The following GRIA4 variants were observed in gnomAD, a reference collection of about 807,000 sequenced individuals.
GRIA4 encodes glutamate ionotropic receptor AMPA type subunit 4.
In GRIA4, 34 loss-of-function variants were observed where a neutral mutation model predicts 104.0. That is an observed-to-expected ratio of 0.33 (90% CI 0.25 to 0.44). The LOEUF is 0.44. GRIA4 is among the 20% of genes least tolerant of loss of function. GRIA4 has a pLI of 1.00. For synonymous variants in GRIA4, 386 were observed against 381.9 expected, an observed-to-expected ratio of 1.01 and a Z score of -0.13; for missense variants, 750 against 1,096.5, an observed-to-expected ratio of 0.68 and a Z score of 4.46.
intron 4 of GRIA4, among the ~76,000 whole-genome samples, chr11:105,836,676 A>G (rs1224327330): frequency 2.0e-5 from 3 of 152,130 alleles, no homozygotes; most frequent in African/African-American, 7.2e-5. Flanking sequence ...CCACAACCAA[A>G]GTTTCTGATT....
chr11:105,736,102 T>A (rs1017917816), intron 3 of GRIA4, among the ~76,000 whole-genome samples: 5 of 152,120 alleles, frequency 3.3e-5, no homozygotes, highest in Admixed American at 2.6e-4. Context: ...TACTCAGATA[T>A]AAAGATTCTA....
intron 3 of GRIA4, among the ~76,000 whole-genome samples, chr11:105,618,390 C>G (rs1297689963): frequency 3.3e-5 from 5 of 151,962 alleles, no homozygotes; most frequent in Non-Finnish European, 7.4e-5. Flanking sequence ...ACAATGATGG[C>G]TGCTGAGTTA....
rs182228155 is a variant in GRIA4, at chr11:105,773,947, T to C, written c.487+20727T>C. Among the ~76,000 whole-genome samples the C allele has an allele frequency of 7.9e-5, 12 of 151,454 alleles. No individual in the cohort carries two copies. In the East Asian group the frequency reaches 1.9e-3, roughly 24 times the overall value. Reference sequence around the variant, plus strand: ...AATAAAAATATCATTAAAATATGGATATATGGGATTTGAATATTATACCTA... The same window carrying C: ...AATAAAAATATCATTAAAATATGGACATATGGGATTTGAATATTATACCTA... On this transcript the variant is annotated intron_variant, in intron 4 of 16. Transcript: ENST00000282499.
chr11:105,715,387 T>C (rs918025937), intron 3 of GRIA4, among the ~76,000 whole-genome samples: 2 of 152,172 alleles, frequency 1.3e-5, no homozygotes, highest in Non-Finnish European at 2.9e-5. Context: ...CCTGTTATGC[T>C]TAATCCCCAC....
chr11:105,888,271 C>CTTTTTT (rs71469040), intron 6 of GRIA4, among the ~76,000 whole-genome samples: 1,044 of 54,592 alleles, frequency 0.019, 253 homozygotes, highest in African/African-American at 0.022. Flanking sequence ...ATGTTTTCTC[C>CTTTTTT]TTTTTTTTTT....
At chr11:105,867,482 C>A (rs574562311) in intron 5 of GRIA4, among the ~76,000 whole-genome samples, 1 of 152,276 alleles carries the variant, frequency 6.6e-6, no homozygotes, top group South Asian at 2.1e-4. Context: ...TCTCAAACAT[C>A]AGGTATCGTA....
intron 4 of GRIA4, among the ~76,000 whole-genome samples, chr11:105,852,054 T>C (rs1034122008): frequency 6.6e-6 from 1 of 152,184 alleles, no homozygotes; most frequent in Non-Finnish European, 1.5e-5. Context: ...TCATGAAATG[T>C]CTTAAATGTA....
chr11:105,654,588 A>T (rs1357836785), intron 3 of GRIA4, among the ~76,000 whole-genome samples: 1 of 152,138 alleles, frequency 6.6e-6, no homozygotes, highest in Non-Finnish European at 1.5e-5. Flanking sequence ...TTGACAGTAA[A>T]AAGAAGAGAA....
chr11:105,717,338 A>C (rs557123222), intron 3 of GRIA4, among the ~76,000 whole-genome samples: 1 of 152,200 alleles, frequency 6.6e-6, no homozygotes, highest in African/African-American at 2.4e-5. Context: ...AAAAAATCTT[A>C]ATGGGAATTC....
At chr11:105,855,048 T>G (rs1944960992) in intron 4 of GRIA4, among the ~76,000 whole-genome samples, 1 of 152,192 alleles carries the variant, frequency 6.6e-6, no homozygotes. Context: ...GCCTGCTCTA[T>G]TAACTATCAA....
At chr11:105,809,902 C>T (rs1488538529) in intron 4 of GRIA4, among the ~76,000 whole-genome samples, 1 of 152,104 alleles carries the variant, frequency 6.6e-6, no homozygotes, top group East Asian at 1.9e-4. Context: ...CTCCCCTCCT[C>T]ACTACTCTTC....
intron 13 of GRIA4, among the ~76,000 whole-genome samples, chr11:105,931,636 C>G (rs949054493): frequency 1.3e-5 from 2 of 151,894 alleles, no homozygotes; most frequent in Non-Finnish European, 2.9e-5. Flanking sequence ...ACCTGGGAGG[C>G]AGAGGTTGTA....
chr11:105,695,817 A>G (rs1465683401), intron 3 of GRIA4, among the ~76,000 whole-genome samples: 2 of 152,252 alleles, frequency 1.3e-5, no homozygotes, highest in African/African-American at 4.8e-5. Flanking sequence ...ATGGAAGCCA[A>G]ACTCTAGAGG....
At chr11:105,926,647 A>G in intron 12 of GRIA4, 94 bp from the exon 13 acceptor site, 1 of 783,716 alleles carries the variant, frequency 1.3e-6, no homozygotes. Flanking sequence ...GGCAATTGTT[A>G]TTTTTAAATA....
chr11:105,724,396 C>CAT (rs201864031), intron 3 of GRIA4, among the ~76,000 whole-genome samples: 14 of 59,742 alleles, frequency 2.3e-4, no homozygotes, highest in East Asian at 1.5e-3. Flanking sequence ...CACACACACA[C>CAT]ATATATATAT....
chr11:105,638,398 C>T lies in GRIA4; in HGVS notation c.247+25964C>T, dbSNP rs140456947. ...GCAGCTACCCTGAACCTGCTGACAA[C>T]TGGATTCTCTAGATCATATTGTTTT... is the stretch of plus-strand genomic sequence containing the variant. On this transcript the variant is annotated intron_variant, in intron 3 of 16. Coordinates refer to ENST00000282499, the MANE Select transcript of GRIA4 (RefSeq NM_000829.4). 9.7e-4 allele frequency among the ~76,000 whole-genome samples: 148 copies of T among 152,234 alleles called. 1 individual carries two copies. Among genetic ancestry groups the T allele is most frequent in the African/African-American group, 3.4e-3 (142 of 41,540 alleles).
intron 14 of GRIA4, among the ~76,000 whole-genome samples, chr11:105,942,933 G>A (rs1948217595): frequency 1.3e-5 from 2 of 152,126 alleles, no homozygotes; most frequent in African/African-American, 2.4e-5. Flanking sequence ...TCAAGTAAAA[G>A]TAGAAGAGAT....
intron 4 of GRIA4, among the ~76,000 whole-genome samples, chr11:105,861,383 T>G (rs939917054): frequency 6.6e-6 from 1 of 152,172 alleles, no homozygotes; most frequent in Non-Finnish European, 1.5e-5. Flanking sequence ...GTTTATTTGG[T>G]CATCAGTCTC....
chr11:105,732,627 G>C (rs2135616992), intron 3 of GRIA4, among the ~76,000 whole-genome samples: 1 of 152,278 alleles, frequency 6.6e-6, no homozygotes, highest in African/African-American at 2.4e-5. Flanking sequence ...GCCTTCTATT[G>C]ATGAAGCTAG....
Sources: allele counts gnomAD v4.1 joint callset (sites outside exome capture counted in the v4.1 genomes callset), GRCh38; gene constraint gnomAD v4.1.1; transcripts MANE v1.5; gene names NCBI Gene and HGNC (gene_info 2026-07-23, HGNC 2026-07-21).